SSBP2: variants seen among roughly 807,000 people sequenced by gnomAD.
The protein encoded by SSBP2 is single stranded DNA binding protein 2.
A neutral mutation model predicts 61.8 loss-of-function variants in SSBP2; 17 were observed. The ratio of observed to expected loss-of-function variants is 0.28; its 90% CI spans 0.19 to 0.41. The LOEUF (loss-of-function observed/expected upper bound fraction) is 0.41. SSBP2 is among the 10% of genes least tolerant of loss of function. The probability of loss-of-function intolerance (pLI) is 1.00; values close to 1 mark genes in which losing one functional copy is unlikely to be tolerated. For missense variants in SSBP2, 310 were observed against 458.7 expected, an observed-to-expected ratio of 0.68 and a Z score of 2.96; for synonymous variants, 139 against 141.3, an observed-to-expected ratio of 0.98 and a Z score of 0.12.
intron 4 of SSBP2, among the ~76,000 whole-genome samples, chr5:81,523,348 T>C (rs1052824379): frequency 6.6e-6 from 1 of 152,074 alleles, no homozygotes; most frequent in African/African-American, 2.4e-5. Flanking sequence ...ACTGAGCTTC[T>C]TGCATTCTGT....
intron 8 of SSBP2, among the ~76,000 whole-genome samples, chr5:81,472,753 C>T (rs1313754187): frequency 1.3e-5 from 2 of 152,126 alleles, no homozygotes; most frequent in Non-Finnish European, 2.9e-5. Flanking sequence ...GCACCTGCCA[C>T]CTCGCCTGGC....
intron 4 of SSBP2, among the ~76,000 whole-genome samples, chr5:81,575,381 C>A (rs1226296738): frequency 2.6e-5 from 4 of 152,126 alleles, no homozygotes; most frequent in African/African-American, 9.7e-5. Context: ...AGAACAATAA[C>A]ATTTAAGTTG....
chr5:81,698,996 A>G (rs1267105833), intron 1 of SSBP2, among the ~76,000 whole-genome samples: 1 of 152,238 alleles, frequency 6.6e-6, no homozygotes, highest in East Asian at 1.9e-4. Flanking sequence ...TAAAGTGAAC[A>G]CTACAATAAA....
In SSBP2 at chr5:81,660,825, C is replaced by A. The variant is rs187301932; in HGVS notation, c.63-10486G>T. 6.6e-5 allele frequency among the ~76,000 whole-genome samples: 10 copies of A among 152,140 alleles called. No homozygotes were observed. In the East Asian group the frequency reaches 1.9e-3, roughly 29 times the overall value. On this transcript the variant is annotated intron_variant, in intron 1 of 16. Transcript: ENST00000320672. ...ATACACACCATGGAATACTATGCAG[C>A]CATAAAAAAGAATGAGATCATGTTC...
At chr5:81,653,095 T>C (rs962885484) in intron 1 of SSBP2, among the ~76,000 whole-genome samples, 2 of 152,018 alleles carry the variant, frequency 1.3e-5, no homozygotes, top group South Asian at 2.1e-4. Context: ...TATCCCTCCC[T>C]TACCCCCTCA....
intron 1 of SSBP2, among the ~76,000 whole-genome samples, chr5:81,676,420 G>A (rs558194070): frequency 5.3e-5 from 8 of 152,240 alleles, no homozygotes; most frequent in Non-Finnish European, 1.0e-4. Flanking sequence ...GGCCAGATAT[G>A]TAAATATGCA....
chr5:81,751,276 T>C, upstream of SSBP2: 1 of 505,300 alleles, frequency 2.0e-6, no homozygotes, highest in Non-Finnish European at 3.6e-6. Flanking sequence ...TCCTCCCTCC[T>C]TCCCTCCCTC....
intron 4 of SSBP2, among the ~76,000 whole-genome samples, chr5:81,583,428 G>A (rs1450078619): frequency 6.6e-6 from 1 of 152,028 alleles, no homozygotes; most frequent in Non-Finnish European, 1.5e-5. Flanking sequence ...AGGAGATTGA[G>A]ACCATCCTGG....
At chr5:81,629,837 T>A (rs1747533605) in intron 3 of SSBP2, among the ~76,000 whole-genome samples, 1 of 152,230 alleles carries the variant, frequency 6.6e-6, no homozygotes, top group Non-Finnish European at 1.5e-5. Context: ...TAGTACCTTT[T>A]GTGTGTCCGT....
rs766994399 is a variant in SSBP2 at position 81,415,922 on chromosome 5, A to AAAAAAAAAAAAAAAAAAAAAAAG, written c.*4581_*4582insCTTTTTTTTTTTTTTTTTTTTTT. On this transcript the variant is annotated 3_prime_UTR_variant, in exon 17 of 17. Coordinates refer to ENST00000320672, the MANE Select transcript of SSBP2 (RefSeq NM_012446.5). ...GCAAGATTCTGACTCAAAAAAAAAA[A>AAAAAAAAAAAAAAAAAAAAAAAG]AAAAAAAGAGGAAAACCTGATCAAG... 44 of 73,734 alleles carry AAAAAAAAAAAAAAAAAAAAAAAG rather than the reference A, an allele frequency of 6.0e-4. No homozygotes were observed. The highest frequency in any genetic ancestry group is 4.3e-3 in the African/African-American group (29 of 6,784). 4.6% of individuals were successfully genotyped at this position (73,734 alleles called of 1,614,324 possible). A position where few individuals can be genotyped will look rare whatever the true frequency, so the allele number is the denominator to read the frequency against.
At position 81,593,539 on chromosome 5, in the gene SSBP2, T is replaced by A. The variant is rs575153965; in HGVS notation, c.282+21934A>T. Among the ~76,000 whole-genome samples, 14 of 152,192 alleles carry A rather than the reference T, an allele frequency of 9.2e-5. No homozygotes were observed. In the South Asian group the frequency reaches 1.2e-3, roughly 14 times the overall value. ...AGAGCAACTCCAAGACACATCACTG[T>A]CAGATTCACCAAAGTTGAAATGAAG... is the stretch of plus-strand genomic sequence containing the variant. On this transcript the variant is annotated intron_variant, in intron 4 of 16. Coordinates refer to ENST00000320672, the MANE Select transcript of SSBP2 (RefSeq NM_012446.5).
intron 5 of SSBP2, among the ~76,000 whole-genome samples, chr5:81,511,836 G>A (rs1391296378): frequency 6.6e-6 from 1 of 152,152 alleles, no homozygotes; most frequent in African/African-American, 2.4e-5. Context: ...GCCTACTACA[G>A]TGCCTGGCAT....
At chr5:81,569,711 A>G (rs754895984) in intron 4 of SSBP2, among the ~76,000 whole-genome samples, 5 of 152,212 alleles carry the variant, frequency 3.3e-5, no homozygotes, top group Non-Finnish European at 4.4e-5. Context: ...ATAATTTAAA[A>G]GGCATATCAG....
intron 3 of SSBP2, among the ~76,000 whole-genome samples, chr5:81,619,542 C>A (rs915172813): frequency 1.4e-5 from 2 of 148,006 alleles, no homozygotes; most frequent in African/African-American, 5.1e-5. Context: ...GGAACTGGTA[C>A]CATTCCTTCT....
chr5:81,653,865 C>A (rs1749977804), intron 1 of SSBP2, among the ~76,000 whole-genome samples: 2 of 152,054 alleles, frequency 1.3e-5, no homozygotes, highest in African/African-American at 4.8e-5. Flanking sequence ...TAGAACCAAT[C>A]TCCAATATTT....
chr5:81,683,094 A>C (rs1215761950), intron 1 of SSBP2, among the ~76,000 whole-genome samples: 1 of 152,182 alleles, frequency 6.6e-6, no homozygotes, highest in African/African-American at 2.4e-5. Flanking sequence ...TTTCCAACTT[A>C]ATCTATAGAG....
chr5:81,744,040 T>G (rs1044869444), intron 1 of SSBP2, among the ~76,000 whole-genome samples: 1 of 152,208 alleles, frequency 6.6e-6, no homozygotes, highest in Non-Finnish European at 1.5e-5. Context: ...AACTCAAGCC[T>G]GTTTCTTCCA....
intron 4 of SSBP2, among the ~76,000 whole-genome samples, chr5:81,519,501 G>A (rs1769293504): frequency 6.6e-6 from 1 of 152,114 alleles, no homozygotes; most frequent in Admixed American, 6.5e-5. Flanking sequence ...AGTCCCCTGT[G>A]TTCTCACCAA....
intron 1 of SSBP2, among the ~76,000 whole-genome samples, chr5:81,744,009 C>G (rs1311701801): frequency 6.6e-6 from 1 of 152,138 alleles, no homozygotes; most frequent in Non-Finnish European, 1.5e-5. Context: ...TGTTTTGATA[C>G]CTGAAGCCAA....
Sources: gnomAD v4.1 joint callset for allele counts (sites outside exome capture counted in the v4.1 genomes callset) on GRCh38, gnomAD v4.1.1 for gene constraint, MANE v1.5 for transcripts, NCBI Gene and HGNC (gene_info 2026-07-23, HGNC 2026-07-21) for gene names.